The following MYO7A variants were observed in gnomAD, a reference collection of about 807,000 sequenced individuals.
MYO7A encodes unconventional myosin-VIIa.
MYO7A carries 210 observed loss-of-function variants against 263.8 expected under a neutral mutation model. That is an observed-to-expected ratio of 0.80 (90% confidence interval 0.71 to 0.89). MYO7A has a LOEUF of 0.89. Ranked by LOEUF, MYO7A falls within the 40% of genes least tolerant of loss-of-function variation. The pLI is 0.00. For missense variants in MYO7A, 2,820 were observed against 2,968.3 expected, an observed-to-expected ratio of 0.95 and a Z score of 1.16; for synonymous variants, 1,239 against 1,197.3, an observed-to-expected ratio of 1.03 and a Z score of -0.72.
chr11:77,136,285 T>C (rs1591176135), intron 2 of MYO7A, among the ~76,000 whole-genome samples: 1 of 152,202 alleles, frequency 6.6e-6, no homozygotes. Flanking sequence ...ATTCGTTGTA[T>C]AGAATGAGTC....
chr11:77,213,832 C>G, intron 47 of MYO7A, 28 bp from the exon 48 acceptor site: 1 of 1,613,870 alleles, frequency 6.2e-7, no homozygotes, highest in Non-Finnish European at 8.5e-7. Flanking sequence ...CCAGGCCGTG[C>G]CTCTCTATGC....
At chr11:77,149,317 G>A (rs1274185154) in intron 4 of MYO7A, among the ~76,000 whole-genome samples, 1 of 152,222 alleles carries the variant, frequency 6.6e-6, no homozygotes, top group African/African-American at 2.4e-5. Context: ...TGGGGGAGGT[G>A]TGGGGTCTGC....
chr11:77,189,950 G>A, intron 28 of MYO7A, 70 bp from the exon 29 acceptor site: 2 of 1,452,502 alleles, frequency 1.4e-6, no homozygotes, highest in South Asian at 2.9e-5. Context: ...TGCCGGGAGG[G>A]CCTGGCGGCT....
At chr11:77,151,934 T>C (rs1401646461) in intron 4 of MYO7A, among the ~76,000 whole-genome samples, 1 of 152,140 alleles carries the variant, frequency 6.6e-6, no homozygotes, top group Non-Finnish European at 1.5e-5. Context: ...CCAGGGTGTC[T>C]CGTTCACCCT....
chr11:77,165,859 T>A (rs1444319162), intron 14 of MYO7A, among the ~76,000 whole-genome samples, 197 bp from the exon 15 acceptor site: 1 of 152,088 alleles, frequency 6.6e-6, no homozygotes, highest in African/African-American at 2.4e-5. Context: ...AGGGGAGCTG[T>A]GTCACTGGGG....
chr11:77,180,263 C>T, intron 21 of MYO7A, 111 bp from the exon 22 acceptor site: 1 of 917,840 alleles, frequency 1.1e-6, no homozygotes, highest in Non-Finnish European at 1.6e-6. Flanking sequence ...CTTGTCCTAT[C>T]AAAGTCATGC....
chr11:77,212,118 G>A (rs1229440913), intron 46 of MYO7A, 181 bp downstream of exon 46: 4 of 694,258 alleles, frequency 5.8e-6, no homozygotes, highest in Non-Finnish European at 7.9e-6. Context: ...AAGTCCTGGG[G>A]ACAGAGGGAC....
rs548333415 is a variant in MYO7A at position 77,199,678 on chromosome 11, C to T, written c.4712C>T (p.Thr1571Met). 11 of 1,613,360 alleles carry T rather than the reference C, an allele frequency of 6.8e-6. No individual in the cohort carries two copies. Among genetic ancestry groups the T allele is most frequent in the South Asian group, 3.3e-5 (3 of 90,970 alleles). ...RGAKTTAPSF[T>M]LATIKGDEYT... ...GCGAAAACGACGGCCCCCAGCTTCA[C>T]GCTGGCCACCATCAAGGGGGACGAA... The change falls in exon 35 of 49, where the codon ACG becomes ATG. Residue 1571 changes from threonine (T) to methionine (M), a missense_variant. Thr to Met is a moderately conservative substitution (Grantham distance 81). Coordinates refer to ENST00000409709, the MANE Select transcript of MYO7A (RefSeq NM_000260.4).
At chr11:77,199,866 T>C in intron 35 of MYO7A, 48 bp downstream of exon 35, 8 of 1,503,370 alleles carry the variant, frequency 5.3e-6, no homozygotes, top group Non-Finnish European at 7.2e-6. Flanking sequence ...GTCAGGGTGT[T>C]ATGCAGACTG....
chr11:77,212,768 G>A (rs1445783597), intron 46 of MYO7A, 184 bp from the exon 47 acceptor site: 2 of 617,712 alleles, frequency 3.2e-6, no homozygotes, highest in Non-Finnish European at 5.8e-6. Flanking sequence ...ACCCAGGAAG[G>A]GATGTGGGGC....
chr11:77,142,099 A>C (rs564036039), intron 2 of MYO7A, among the ~76,000 whole-genome samples: 44 of 152,312 alleles, frequency 2.9e-4, no homozygotes, highest in Non-Finnish European at 5.6e-4. Context: ...TCCCTTGCTG[A>C]ATGAGTAGTG....
intron 38 of MYO7A, 47 bp from the exon 39 acceptor site, chr11:77,204,029 C>T (rs773612433): frequency 7.1e-6 from 11 of 1,544,128 alleles, no homozygotes; most frequent in Non-Finnish European, 8.8e-6. Context: ...GGACCCCAGG[C>T]CAGTGCTCCC....
At chr11:77,142,569 G>C in intron 2 of MYO7A, 140 bp from the exon 3 acceptor site, 1 of 746,232 alleles carries the variant, frequency 1.3e-6, no homozygotes, top group Non-Finnish European at 2.4e-6. Flanking sequence ...AAGGTTGCTA[G>C]TAAGTGTGAG....
At chr11:77,211,602 G>C (rs1957879904) in intron 45 of MYO7A, among the ~76,000 whole-genome samples, 1 of 152,208 alleles carries the variant, frequency 6.6e-6, no homozygotes, top group Admixed American at 6.5e-5. Flanking sequence ...TGGTCTGCCT[G>C]CCTGGGGGTG....
chr11:77,187,135 C>T (rs1272645972), intron 27 of MYO7A, among the ~76,000 whole-genome samples: 1 of 152,108 alleles, frequency 6.6e-6, no homozygotes, highest in African/African-American at 2.4e-5. Context: ...GTGCACAAAA[C>T]AATTACAATA....
chr11:77,202,776 A>G (rs1381948388), intron 37 of MYO7A, among the ~76,000 whole-genome samples: 28 of 139,678 alleles, frequency 2.0e-4, no homozygotes, highest in African/African-American at 7.3e-4. Flanking sequence ...TTCCTGATGG[A>G]GGCGTTGTGC....
At chr11:77,210,587 A>T (rs1957797073) in intron 44 of MYO7A, among the ~76,000 whole-genome samples, 1 of 152,138 alleles carries the variant, frequency 6.6e-6, no homozygotes, top group Non-Finnish European at 1.5e-5. Context: ...GTATAAGATG[A>T]CCATAAGGCT....
rs746043028 is a variant in MYO7A, at chr11:77,199,712, C to G, written c.4746C>G (p.Phe1582Leu). The G allele has an allele frequency of 1.9e-6, 3 of 1,613,726 alleles. No homozygotes were observed. In the Admixed American group the frequency reaches 5.0e-5, roughly 27 times the overall value. The change falls in exon 35 of 49, where the codon TTC (phenylalanine) becomes TTG (leucine). Residue 1582 changes from phenylalanine (F) to leucine (L), a missense_variant. Physicochemically the swap from Phe to Leu is conservative, Grantham distance 22. Transcript: ENST00000409709. ...LATIKGDEYT[F>L]TSSNAEDIRD... is the part of the protein sequence containing the mutation. ...CCATCAAGGGGGACGAATACACCTT[C>G]ACCTCCAGCAATGCTGAGGACATTC...
At chr11:77,130,464 C>A in intron 1 of MYO7A, 125 bp from the exon 2 acceptor site, 1 of 690,384 alleles carries the variant, frequency 1.4e-6, no homozygotes, top group Non-Finnish European at 2.5e-6. Context: ...GGGAGAGAAG[C>A]CAAGGAGGGT....
Sources: gnomAD v4.1 joint callset for allele counts (sites outside exome capture counted in the v4.1 genomes callset) on GRCh38, gnomAD v4.1.1 for gene constraint, MANE v1.5 for transcripts, NCBI Gene and HGNC (gene_info 2026-07-23, HGNC 2026-07-21) for gene names.